GALNTL6: variants seen among roughly 807,000 people sequenced by gnomAD.
GALNTL6 encodes polypeptide N-acetylgalactosaminyltransferase like 6.
Under a neutral mutation model 73.7 loss-of-function variants are expected in GALNTL6, and 46 were observed. The ratio of observed to expected loss-of-function variants is 0.62; its 90% confidence interval spans 0.49 to 0.80. The LOEUF (loss-of-function observed/expected upper bound fraction) is 0.80. Among genes scored for constraint, GALNTL6 ranks in the 30% least tolerant of loss-of-function variants. The pLI is 0.00. For synonymous variants in GALNTL6, 259 were observed against 263.7 expected (o/e 0.98, Z 0.17); for missense variants, 604 against 755.0 (o/e 0.80, Z 2.34).
At chr4:172,442,860 G>T (rs1230393290) in intron 5 of GALNTL6, among the ~76,000 whole-genome samples, 1 of 151,562 alleles carries the variant, frequency 6.6e-6, no homozygotes, top group African/African-American at 2.4e-5. Context: ...TTTTTAATGA[G>T]AGAAAAAAAT....
chr4:172,719,028 G>A (rs1318543726), intron 5 of GALNTL6, among the ~76,000 whole-genome samples: 2 of 152,018 alleles, frequency 1.3e-5, no homozygotes, highest in East Asian at 3.9e-4. Flanking sequence ...CATCACAATG[G>A]GCAAATGGCC....
At chr4:172,278,112 A>G (rs1406866586) in intron 3 of GALNTL6, among the ~76,000 whole-genome samples, 1 of 152,044 alleles carries the variant, frequency 6.6e-6, no homozygotes, top group Non-Finnish European at 1.5e-5. Context: ...TTAACTTCCT[A>G]TTATTGCAGA....
intron 5 of GALNTL6, among the ~76,000 whole-genome samples, chr4:172,349,819 A>T: frequency 9.2e-6 from 1 of 108,196 alleles, no homozygotes; most frequent in South Asian, 2.9e-4. Flanking sequence ...CTTCGTCTCA[A>T]ATTAAAAAAA....
intron 5 of GALNTL6, among the ~76,000 whole-genome samples, chr4:172,403,809 C>A (rs1004790921): frequency 1.3e-5 from 2 of 151,846 alleles, no homozygotes; most frequent in Non-Finnish European, 2.9e-5. Flanking sequence ...CTATTGTAAG[C>A]CACTGAATCT....
At chr4:172,614,177 CCTCT>C (rs1449243111) in intron 5 of GALNTL6, among the ~76,000 whole-genome samples, 1 of 151,824 alleles carries the variant, frequency 6.6e-6, no homozygotes, top group East Asian at 1.9e-4. Context: ...TATCTCTATC[CCTCT>C]CTCTCAATCG....
At chr4:172,009,191 T>C (rs755646956) in intron 2 of GALNTL6, among the ~76,000 whole-genome samples, 25 of 152,128 alleles carry the variant, frequency 1.6e-4, no homozygotes, top group Non-Finnish European at 3.4e-4. Flanking sequence ...TATATTATTA[T>C]GCCCATTTTA....
intron 2 of GALNTL6, among the ~76,000 whole-genome samples, chr4:171,975,927 G>C (rs895366872): frequency 8.5e-6 from 1 of 117,500 alleles, no homozygotes; most frequent in African/African-American, 2.5e-5. Context: ...ATATACAAGC[G>C]GCATTTTTTT....
intron 4 of GALNTL6, among the ~76,000 whole-genome samples, chr4:172,317,699 T>C (rs2111158017): frequency 6.6e-6 from 1 of 152,368 alleles, no homozygotes; most frequent in Admixed American, 6.5e-5. Flanking sequence ...CTTGTCTTTG[T>C]AATCCTAGAA....
chr4:172,789,774 C>T (rs1296945158), intron 5 of GALNTL6, among the ~76,000 whole-genome samples: 2 of 152,136 alleles, frequency 1.3e-5, no homozygotes, highest in African/African-American at 4.8e-5. Context: ...GAACCAGAAT[C>T]AGAAAGGTGG....
At chr4:172,284,353 CTT>C (rs1739175123) in intron 3 of GALNTL6, among the ~76,000 whole-genome samples, 1 of 152,096 alleles carries the variant, frequency 6.6e-6, no homozygotes, top group African/African-American at 2.4e-5. Flanking sequence ...GTGGTGAAGT[CTT>C]AGTTTTAGTG....
chr4:172,365,609 A>G (rs904569981), intron 5 of GALNTL6, among the ~76,000 whole-genome samples: 1 of 151,932 alleles, frequency 6.6e-6, no homozygotes, highest in Admixed American at 6.6e-5. Context: ...AGCACTCATG[A>G]CTACAAGGGA....
At chr4:172,578,605 G>A (rs1269249064) in intron 5 of GALNTL6, among the ~76,000 whole-genome samples, 3 of 152,116 alleles carry the variant, frequency 2.0e-5, no homozygotes, top group African/African-American at 7.2e-5. Flanking sequence ...ATATTTCCAC[G>A]TGATTTATTA....
At chr4:172,421,379 C>T (rs909697813) in intron 5 of GALNTL6, among the ~76,000 whole-genome samples, 6 of 151,844 alleles carry the variant, frequency 4.0e-5, no homozygotes, top group African/African-American at 1.5e-4. Context: ...TAGCTATAAA[C>T]ATTGGTGCCA....
intron 3 of GALNTL6, among the ~76,000 whole-genome samples, chr4:172,238,220 GC>G (rs1342041469): frequency 6.6e-6 from 1 of 152,004 alleles, no homozygotes; most frequent in Non-Finnish European, 1.5e-5. Context: ...TATTCTTTCT[GC>G]CTATTCATGA....
intron 5 of GALNTL6, among the ~76,000 whole-genome samples, chr4:172,394,796 C>A (rs1401122473): frequency 1.3e-5 from 2 of 152,046 alleles, no homozygotes; most frequent in African/African-American, 2.4e-5. Flanking sequence ...CATGCTGACA[C>A]CCCTCCTGAC....
At chr4:171,971,191 A>C (rs1176215138) in intron 2 of GALNTL6, among the ~76,000 whole-genome samples, 1 of 152,226 alleles carries the variant, frequency 6.6e-6, no homozygotes, top group Non-Finnish European at 1.5e-5. Flanking sequence ...TTGAGAAAAA[A>C]TGAAAATGCC....
intron 3 of GALNTL6, among the ~76,000 whole-genome samples, chr4:172,295,778 C>T (rs570246657): frequency 1.3e-4 from 19 of 151,718 alleles, no homozygotes; most frequent in Middle Eastern, 3.4e-3. Context: ...CTACCACTAA[C>T]GGCAACAATA....
intron 5 of GALNTL6, among the ~76,000 whole-genome samples, chr4:172,701,288 C>T (rs868610872): frequency 1.3e-5 from 2 of 152,070 alleles, no homozygotes; most frequent in Admixed American, 6.6e-5. Context: ...AGTCATTAAT[C>T]ATGCAGAAAA....
chr4:172,986,580 T>G (rs567542840), intron 10 of GALNTL6, among the ~76,000 whole-genome samples: 4 of 152,302 alleles, frequency 2.6e-5, no homozygotes, highest in African/African-American at 9.6e-5. Flanking sequence ...TATCATCTCA[T>G]ATATTTTTAG....
Sources: allele counts gnomAD v4.1 joint callset (sites outside exome capture counted in the v4.1 genomes callset), GRCh38; gene constraint gnomAD v4.1.1; transcripts MANE v1.5; gene names NCBI Gene and HGNC (gene_info 2026-07-23, HGNC 2026-07-21).